KCNJ6: variants seen among roughly 807,000 people sequenced by gnomAD.
KCNJ6 encodes the protein potassium inwardly rectifying channel subfamily J member 6, also known as G protein-activated inward rectifier potassium channel 2.
Under a neutral mutation model 34.2 loss-of-function variants are expected in KCNJ6, and 9 were observed. That is an observed-to-expected ratio of 0.26 (90% confidence interval 0.16 to 0.46). The LOEUF (loss-of-function observed/expected upper bound fraction) is 0.46. Among genes scored for constraint, KCNJ6 ranks in the 20% least tolerant of loss-of-function variants. The pLI, the probability that KCNJ6 is intolerant of heterozygous loss-of-function variation, is 1.00. For missense variants in KCNJ6, 236 were observed against 531.3 expected, an observed-to-expected ratio of 0.44 and a Z score of 5.46; for synonymous variants, 196 against 207.1, an observed-to-expected ratio of 0.95 and a Z score of 0.46.
chr21:37,759,710 G>A (rs1016592750), intron 2 of KCNJ6, among the ~76,000 whole-genome samples: 6 of 151,998 alleles, frequency 3.9e-5, no homozygotes, highest in Middle Eastern at 3.2e-3. Context: ...TTTTATCTGC[G>A]TGTTCACCTG....
chr21:37,694,176 T>C (rs914938340), intron 3 of KCNJ6, among the ~76,000 whole-genome samples: 3 of 152,216 alleles, frequency 2.0e-5, no homozygotes, highest in African/African-American at 7.2e-5. Flanking sequence ...CAGATACCTG[T>C]GGGCCCTGAG....
intron 2 of KCNJ6, among the ~76,000 whole-genome samples, chr21:37,768,903 G>C (rs910357644): frequency 2.0e-5 from 3 of 152,126 alleles, no homozygotes; most frequent in African/African-American, 7.2e-5. Context: ...TGTGTGTTGG[G>C]GAGCCCACCT....
At chr21:37,684,437 G>C (rs2054604377) in intron 3 of KCNJ6, among the ~76,000 whole-genome samples, 1 of 151,870 alleles carries the variant, frequency 6.6e-6, no homozygotes, top group Non-Finnish European at 1.5e-5. Context: ...AATTACATCT[G>C]CAATGGGCCT....
chr21:37,731,243 T>C (rs1483162481), intron 2 of KCNJ6, among the ~76,000 whole-genome samples: 1 of 152,006 alleles, frequency 6.6e-6, no homozygotes, highest in Non-Finnish European at 1.5e-5. Context: ...GTGGAAATAA[T>C]GGAGTGAAAG....
intron 2 of KCNJ6, among the ~76,000 whole-genome samples, chr21:37,739,698 G>A (rs762106343): frequency 8.5e-5 from 13 of 152,066 alleles, no homozygotes; most frequent in Admixed American, 2.6e-4. Flanking sequence ...AACCCAATTT[G>A]TGCCTGATTG....
chr21:37,862,391 G>A (rs1185603670), intron 1 of KCNJ6, among the ~76,000 whole-genome samples: 1 of 152,238 alleles, frequency 6.6e-6, no homozygotes, highest in African/African-American at 2.4e-5. Flanking sequence ...ACACAGGCAT[G>A]CATGCATGTA....
At chr21:37,792,822 C>T (rs1416532367) in intron 2 of KCNJ6, among the ~76,000 whole-genome samples, 2 of 152,184 alleles carry the variant, frequency 1.3e-5, no homozygotes, top group African/African-American at 2.4e-5. Context: ...CTGGTAAGCT[C>T]GGAAGCACTT....
At chr21:37,626,943 A>G (rs191902053) in intron 3 of KCNJ6, among the ~76,000 whole-genome samples, 2 of 152,354 alleles carry the variant, frequency 1.3e-5, no homozygotes, top group East Asian at 1.9e-4. Context: ...ACTCATGAAT[A>G]TAATACTGTG....
chr21:37,634,620 T>C (rs1410350352), intron 3 of KCNJ6, among the ~76,000 whole-genome samples: 1 of 152,026 alleles, frequency 6.6e-6, no homozygotes, highest in Non-Finnish European at 1.5e-5. Context: ...AAATTACACA[T>C]GCAGGGTCTA....
chr21:37,709,406 C>T (rs533163047), intron 3 of KCNJ6, among the ~76,000 whole-genome samples: 16 of 152,114 alleles, frequency 1.1e-4, no homozygotes, highest in Non-Finnish European at 1.6e-4. Context: ...CCCAGCTACT[C>T]AGGAGGCTGA....
chr21:37,883,656 A>G (rs1218859908), intron 1 of KCNJ6, among the ~76,000 whole-genome samples: 1 of 152,214 alleles, frequency 6.6e-6, no homozygotes, highest in Non-Finnish European at 1.5e-5. Flanking sequence ...CTTCAGAACC[A>G]GACAGGCACG....
At chr21:37,654,105 GTTTTTTT>G (rs537326162) in intron 3 of KCNJ6, among the ~76,000 whole-genome samples, 3 of 122,746 alleles carry the variant, frequency 2.4e-5, no homozygotes, top group African/African-American at 6.0e-5. Flanking sequence ...CACTTTGTGG[GTTTTTTT>G]TTTTTTTTTT....
chr21:37,687,781 G>A (rs1272960259), intron 3 of KCNJ6, among the ~76,000 whole-genome samples: 1 of 152,186 alleles, frequency 6.6e-6, no homozygotes, highest in South Asian at 2.1e-4. Context: ...TTAGCTTCCA[G>A]CATCGGTCTT....
At chr21:37,893,996 A>G (rs2055775505) in intron 1 of KCNJ6, among the ~76,000 whole-genome samples, 1 of 152,124 alleles carries the variant, frequency 6.6e-6, no homozygotes, top group Non-Finnish European at 1.5e-5. Flanking sequence ...CAATCTTAAC[A>G]TGATCTGTTA....
chr21:37,913,879 A>G (rs1293897699), intron 1 of KCNJ6, among the ~76,000 whole-genome samples: 1 of 152,124 alleles, frequency 6.6e-6, no homozygotes, highest in Non-Finnish European at 1.5e-5. Context: ...GGGTGCTTCC[A>G]CAGCTCCCTT....
At chr21:37,854,945 T>C (rs948812589) in intron 1 of KCNJ6, among the ~76,000 whole-genome samples, 2 of 152,210 alleles carry the variant, frequency 1.3e-5, no homozygotes, top group East Asian at 1.9e-4. Context: ...TTAACAATTG[T>C]TAGGACAACT....
chr21:37,617,173 C>CTTCA lies in KCNJ6; in HGVS notation c.*7985_*7986insTGAA, dbSNP rs2123354877. The stretch of plus-strand genomic sequence containing the variant: ...CTTCCTTCTTTCTTTATCTTTTTTC[C>CTTCA]TTCCTTCCTTCCTTCCTTCCTTCCT... On this transcript the variant is annotated 3_prime_UTR_variant, in exon 4 of 4. Coordinates refer to ENST00000609713, the MANE Select transcript of KCNJ6 (RefSeq NM_002240.5). 1.8e-5 allele frequency: 1 copy of CTTCA among 55,614 alleles called. No homozygotes were observed. Among genetic ancestry groups the CTTCA allele is most frequent in the South Asian group, 4.6e-4 (1 of 2,164 alleles). 3.4% of individuals were successfully genotyped at this position (55,614 alleles called of 1,614,324 possible).
At chr21:37,733,844 T>C (rs1410574780) in intron 2 of KCNJ6, among the ~76,000 whole-genome samples, 1 of 152,078 alleles carries the variant, frequency 6.6e-6, no homozygotes, top group Non-Finnish European at 1.5e-5. Flanking sequence ...GAGAAGAAAA[T>C]GATTCTTTTC....
chr21:37,818,701 T>A (rs1419589046), intron 2 of KCNJ6, among the ~76,000 whole-genome samples: 1 of 152,252 alleles, frequency 6.6e-6, no homozygotes, highest in Non-Finnish European at 1.5e-5. Flanking sequence ...ACTTTTCGAT[T>A]CACTGAGAAA....
Sources: allele counts gnomAD v4.1 joint callset (sites outside exome capture counted in the v4.1 genomes callset), GRCh38; gene constraint gnomAD v4.1.1; transcripts MANE v1.5; gene names NCBI Gene and HGNC (gene_info 2026-07-23, HGNC 2026-07-21).